FER: variants seen among roughly 807,000 people sequenced by gnomAD.
FER encodes tyrosine-protein kinase Fer.
Under a neutral mutation model 111.0 loss-of-function variants are expected in FER, and 63 were observed. That is an observed-to-expected ratio of 0.57 (90% CI 0.46 to 0.70). The LOEUF (loss-of-function observed/expected upper bound fraction) is 0.70. Ranked by LOEUF, FER falls within the 30% of genes least tolerant of loss-of-function variation. The probability of loss-of-function intolerance (pLI) is 0.00; values close to 1 mark genes in which losing one functional copy is unlikely to be tolerated. For synonymous variants in FER, 327 were observed against 313.9 expected (o/e 1.04, Z -0.44); for missense variants, 914 against 954.0 (o/e 0.96, Z 0.55).
At chr5:109,054,893 T>C (rs567545671) in intron 16 of FER, among the ~76,000 whole-genome samples, 1 of 152,360 alleles carries the variant, frequency 6.6e-6, no homozygotes, top group South Asian at 2.1e-4. Context: ...ATTCAGTTTT[T>C]CATACTTATA....
chr5:109,111,897 A>G (rs925732031), intron 17 of FER, among the ~76,000 whole-genome samples: 3 of 152,176 alleles, frequency 2.0e-5, no homozygotes, highest in Non-Finnish European at 4.4e-5. Flanking sequence ...TAGCGACACC[A>G]TAAGAAATTC....
chr5:108,824,171 G>C (rs1171333797), intron 3 of FER, among the ~76,000 whole-genome samples: 1 of 151,850 alleles, frequency 6.6e-6, no homozygotes, highest in Non-Finnish European at 1.5e-5. Flanking sequence ...ATATTATTTT[G>C]ATTAATATAC....
intron 17 of FER, among the ~76,000 whole-genome samples, chr5:109,155,375 A>G (rs1755255273): frequency 6.6e-6 from 1 of 151,994 alleles, no homozygotes; most frequent in Non-Finnish European, 1.5e-5. Context: ...TGTTCAAACT[A>G]GGAAGAATAG....
At chr5:108,949,352 T>C (rs1757421356) in intron 11 of FER, among the ~76,000 whole-genome samples, 1 of 152,062 alleles carries the variant, frequency 6.6e-6, no homozygotes, top group South Asian at 2.1e-4. Flanking sequence ...TTGTCTTCTG[T>C]TATTCTTAAG....
intron 13 of FER, among the ~76,000 whole-genome samples, chr5:108,992,160 AC>A (rs1763273081): frequency 6.6e-6 from 1 of 152,178 alleles, no homozygotes; most frequent in African/African-American, 2.4e-5. Flanking sequence ...CTGAGTGGAC[AC>A]AGCACATGTT....
intron 13 of FER, among the ~76,000 whole-genome samples, chr5:109,004,378 C>G (rs1765228316): frequency 6.6e-6 from 1 of 152,078 alleles, no homozygotes; most frequent in African/African-American, 2.4e-5. Context: ...TCAAATACTG[C>G]TATTTCTAGG....
intron 17 of FER, among the ~76,000 whole-genome samples, chr5:109,157,211 C>A (rs1209956252): frequency 6.6e-6 from 1 of 152,146 alleles, no homozygotes; most frequent in African/African-American, 2.4e-5. Context: ...AATATATACA[C>A]AATTAAATTG....
intron 9 of FER, among the ~76,000 whole-genome samples, chr5:108,897,299 T>G (rs550222180): frequency 1.3e-5 from 2 of 152,160 alleles, no homozygotes; most frequent in Non-Finnish European, 2.9e-5. Flanking sequence ...CTTTGATACT[T>G]AAAGTAAATT....
At chr5:108,851,351 G>A (rs1009555492) in intron 5 of FER, among the ~76,000 whole-genome samples, 5 of 152,082 alleles carry the variant, frequency 3.3e-5, no homozygotes, top group South Asian at 2.1e-4. Flanking sequence ...ACTTATTCAC[G>A]TGAGATTTAT....
intron 17 of FER, among the ~76,000 whole-genome samples, chr5:109,117,354 C>G (rs182979758): frequency 6.6e-6 from 1 of 151,840 alleles, no homozygotes; most frequent in Non-Finnish European, 1.5e-5. Flanking sequence ...CCCTATAATT[C>G]CACTATTTCA....
At chr5:108,799,834 T>G (rs892478015) in intron 3 of FER, among the ~76,000 whole-genome samples, 11 of 144,746 alleles carry the variant, frequency 7.6e-5, no homozygotes, top group African/African-American at 2.9e-4. Flanking sequence ...CCCTCTTGTT[T>G]TCTTTTCTTT....
At chr5:108,951,892 G>C (rs1757804705) in intron 11 of FER, among the ~76,000 whole-genome samples, 1 of 151,976 alleles carries the variant, frequency 6.6e-6, no homozygotes, top group Admixed American at 6.6e-5. Context: ...AATTAGCCTG[G>C]ACCAGGGTAA....
chr5:108,792,012 G>C (rs759078641), intron 2 of FER, among the ~76,000 whole-genome samples: 7 of 152,136 alleles, frequency 4.6e-5, no homozygotes, highest in Non-Finnish European at 1.0e-4. Flanking sequence ...ATTTGCATTT[G>C]GCCCCTCTAG....
intron 8 of FER, among the ~76,000 whole-genome samples, chr5:108,875,516 C>T (rs1364268309): frequency 1.3e-5 from 2 of 151,966 alleles, no homozygotes; most frequent in African/African-American, 4.8e-5. Context: ...CATCTAGTTA[C>T]TATTTAATTG....
At chr5:109,115,633 C>A (rs1424241768) in intron 17 of FER, among the ~76,000 whole-genome samples, 1 of 151,324 alleles carries the variant, frequency 6.6e-6, no homozygotes, top group Non-Finnish European at 1.5e-5. Context: ...TAGTAAGTTT[C>A]CAGACAGATT....
At chr5:109,010,162 C>A (rs566201672) in intron 13 of FER, among the ~76,000 whole-genome samples, 3 of 150,386 alleles carry the variant, frequency 2.0e-5, no homozygotes, top group East Asian at 3.9e-4. Flanking sequence ...TCTTAGTTTT[C>A]TTTTTTATCC....
intron 16 of FER, among the ~76,000 whole-genome samples, chr5:109,071,499 G>C (rs565941511): frequency 1.3e-5 from 2 of 151,874 alleles, no homozygotes; most frequent in African/African-American, 4.8e-5. Context: ...TAAATGCCTT[G>C]TAATTTTATC....
intron 16 of FER, among the ~76,000 whole-genome samples, chr5:109,055,694 G>A (rs1324771959): frequency 2.0e-5 from 3 of 150,848 alleles, no homozygotes; most frequent in African/African-American, 7.3e-5. Context: ...GGCTGAGATG[G>A]AAGTATTATT....
intron 5 of FER, among the ~76,000 whole-genome samples, chr5:108,867,551 T>TC (rs2150234844): frequency 6.9e-6 from 1 of 144,356 alleles, no homozygotes; most frequent in East Asian, 1.9e-4. Context: ...CCATTTAGTA[T>TC]CCTACATGCC....
Sources: gnomAD v4.1 joint callset for allele counts (sites outside exome capture counted in the v4.1 genomes callset) on GRCh38, gnomAD v4.1.1 for gene constraint, MANE v1.5 for transcripts, NCBI Gene and HGNC (gene_info 2026-07-23, HGNC 2026-07-21) for gene names.